Variants in DLGAP2 observed in about 807,000 individuals in gnomAD.
The protein encoded by DLGAP2 is disks large-associated protein 2.
DLGAP2 carries 26 observed loss-of-function variants against 100.3 expected under a neutral mutation model. The observed-to-expected ratio is 0.26, with a 90% CI of 0.19 to 0.36. The LOEUF (loss-of-function observed/expected upper bound fraction) is 0.36. Ranked by LOEUF, DLGAP2 falls within the 10% of genes least tolerant of loss-of-function variation. The probability of loss-of-function intolerance (pLI) is 1.00; values close to 1 mark genes in which losing one functional copy is unlikely to be tolerated. For missense variants in DLGAP2, 1,858 were observed against 1,453.2 expected (o/e 1.28, Z -4.53); for synonymous variants, 886 against 630.1 (o/e 1.41, Z -6.08).
intron 4 of DLGAP2, among the ~76,000 whole-genome samples, chr8:1,514,112 C>A (rs749300032): frequency 6.6e-6 from 1 of 152,212 alleles, no homozygotes; most frequent in Non-Finnish European, 1.5e-5. Context: ...CGTCTTGTGG[C>A]CACACGAGCA....
At chr8:1,196,184 A>T (rs996548906) in intron 2 of DLGAP2, among the ~76,000 whole-genome samples, 1 of 152,230 alleles carries the variant, frequency 6.6e-6, no homozygotes, top group African/African-American at 2.4e-5. Flanking sequence ...CCCTACTTTC[A>T]TGTTATGTGT....
At chr8:765,773 A>G (rs1360580124) in intron 1 of DLGAP2, among the ~76,000 whole-genome samples, 1 of 152,078 alleles carries the variant, frequency 6.6e-6, no homozygotes, top group Non-Finnish European at 1.5e-5. Flanking sequence ...ACATGTGTGT[A>G]CACACATGCA....
chr8:1,641,966 CGA>C (rs2130795671), intron 8 of DLGAP2, among the ~76,000 whole-genome samples: 5 of 85,164 alleles, frequency 5.9e-5, no homozygotes, highest in Non-Finnish European at 1.1e-4. Context: ...GTGTCACCCT[CGA>C]CCCCGCCGGT....
intron 2 of DLGAP2, among the ~76,000 whole-genome samples, chr8:1,222,472 T>C (rs1188532777): frequency 6.6e-6 from 1 of 152,142 alleles, no homozygotes. Flanking sequence ...GCCAAGGTGT[T>C]CTCAGTCCAC....
intron 2 of DLGAP2, among the ~76,000 whole-genome samples, chr8:1,126,678 G>T (rs750553638): frequency 2.6e-4 from 39 of 152,172 alleles, no homozygotes; most frequent in Non-Finnish European, 4.1e-4. Context: ...GCTGCTGAGG[G>T]CTTTGATTAA....
chr8:1,343,897 G>A (rs894283034), intron 3 of DLGAP2, among the ~76,000 whole-genome samples: 1 of 152,164 alleles, frequency 6.6e-6, no homozygotes, highest in Admixed American at 6.5e-5. Context: ...GCTTCTCACG[G>A]GTGCGAGCTC....
At chr8:1,069,696 G>A (rs6991963) in intron 2 of DLGAP2, among the ~76,000 whole-genome samples, 3,673 of 152,226 alleles carry the variant, frequency 0.024, 154 homozygotes, top group African/African-American at 0.084. Flanking sequence ...TTATAATGCT[G>A]TACCTACGAT....
At chr8:1,242,970 A>T (rs1309583418) in intron 2 of DLGAP2, among the ~76,000 whole-genome samples, 1 of 152,118 alleles carries the variant, frequency 6.6e-6, no homozygotes, top group East Asian at 1.9e-4. Context: ...ACTTTCTCTG[A>T]TGACTCAAAT....
chr8:1,436,454 C>T (rs775051130), intron 3 of DLGAP2, among the ~76,000 whole-genome samples: 3 of 152,178 alleles, frequency 2.0e-5, no homozygotes, highest in Non-Finnish European at 4.4e-5. Flanking sequence ...CCCACCCAGA[C>T]TGAGGGTGGG....
At chr8:1,443,337 C>G (rs1797893192) in intron 3 of DLGAP2, among the ~76,000 whole-genome samples, 1 of 152,158 alleles carries the variant, frequency 6.6e-6, no homozygotes, top group African/African-American at 2.4e-5. Flanking sequence ...ATACTTCCAG[C>G]CTTCCCTCCA....
At chr8:908,998 T>C (rs1343113312) in intron 2 of DLGAP2, among the ~76,000 whole-genome samples, 1 of 152,244 alleles carries the variant, frequency 6.6e-6, no homozygotes, top group African/African-American at 2.4e-5. Flanking sequence ...TTGTCTGTAT[T>C]ATACATTCCA....
At chr8:1,203,576 A>G (rs900183835) in intron 2 of DLGAP2, among the ~76,000 whole-genome samples, 4 of 151,970 alleles carry the variant, frequency 2.6e-5, no homozygotes, top group African/African-American at 7.3e-5. Flanking sequence ...CAGATTCTCT[A>G]CTCTTCCCTT....
At position 1,195,291 on chromosome 8, in the gene DLGAP2, C is replaced by T. The variant is rs111345848; in HGVS notation, c.74-63560C>T. 7.5e-3 allele frequency among the ~76,000 whole-genome samples: 1,138 copies of T among 152,312 alleles called. 13 individuals carry two copies. Among genetic ancestry groups the T allele is most frequent in the Middle Eastern group, 0.014 (4 of 294 alleles). Reference sequence around the variant, plus strand: ...CCAAGCACCCAGTTAGAACTGGCTTCCCTGCACCCTCAGGAGCAGAGCCTG... The same window carrying T: ...CCAAGCACCCAGTTAGAACTGGCTTTCCTGCACCCTCAGGAGCAGAGCCTG... On this transcript the variant is annotated intron_variant, in intron 2 of 14. Transcript: ENST00000637795.
At chr8:1,462,603 T>C (rs1404180623) in intron 3 of DLGAP2, among the ~76,000 whole-genome samples, 1 of 152,162 alleles carries the variant, frequency 6.6e-6, no homozygotes, top group African/African-American at 2.4e-5. Context: ...TGTGGCTACC[T>C]TGGGTGGATG....
chr8:1,706,980 T>A lies in DLGAP2; in HGVS notation c.*5574T>A, dbSNP rs1799725667. 1 of 152,648 alleles carries A rather than the reference T, an allele frequency of 6.6e-6. No homozygotes were observed. The highest frequency in any genetic ancestry group is 2.1e-4 in the South Asian group (1 of 4,830). 9.5% of individuals were successfully genotyped at this position (152,648 alleles called of 1,614,324 possible). On this transcript the variant is annotated 3_prime_UTR_variant, in exon 15 of 15. Transcript: ENST00000637795. ...ATGAATTGCTGTCCTAACCCTGGCG[T>A]TTTTATCCAGTGTTAAAATAAATTA...
At chr8:1,535,434 G>T (rs564060146) in intron 4 of DLGAP2, among the ~76,000 whole-genome samples, 1 of 152,222 alleles carries the variant, frequency 6.6e-6, no homozygotes, top group Admixed American at 6.5e-5. Context: ...AGGAACGATG[G>T]CCAAGAGGGC....
At chr8:1,267,556 C>G in intron 3 of DLGAP2, among the ~76,000 whole-genome samples, 1 of 64,922 alleles carries the variant, frequency 1.5e-5, no homozygotes, top group South Asian at 3.9e-4. Flanking sequence ...AAAATTCCCG[C>G]TCAAAATAAA....
chr8:988,084 C>G (rs55807045), intron 2 of DLGAP2, among the ~76,000 whole-genome samples: 24,909 of 152,102 alleles, frequency 0.16, 2,602 homozygotes, highest in Non-Finnish European at 0.24. Context: ...TGGTTCTATT[C>G]TCATAGGCCC....
intron 2 of DLGAP2, among the ~76,000 whole-genome samples, chr8:1,229,897 A>T (rs543421163): frequency 6.6e-6 from 1 of 152,258 alleles, no homozygotes; most frequent in East Asian, 1.9e-4. Context: ...CCTATGACAA[A>T]CCCACAGCCA....
Sources: allele counts gnomAD v4.1 joint callset (sites outside exome capture counted in the v4.1 genomes callset), GRCh38; gene constraint gnomAD v4.1.1; transcripts MANE v1.5; gene names NCBI Gene and HGNC (gene_info 2026-07-23, HGNC 2026-07-21).